The following TMEM50A variants were observed in gnomAD, a reference collection of about 807,000 sequenced individuals.
The protein encoded by TMEM50A is cervical cancer oncogene 9.
TMEM50A carries 8 observed loss-of-function variants against 23.9 expected under a neutral mutation model. That is an observed-to-expected ratio of 0.33 (90% CI 0.20 to 0.60). The LOEUF (loss-of-function observed/expected upper bound fraction) is 0.60. Ranked by LOEUF, TMEM50A falls within the 20% of genes least tolerant of loss-of-function variation. The pLI is 0.81. For synonymous variants in TMEM50A, 55 were observed against 60.4 expected, an observed-to-expected ratio of 0.91 and a Z score of 0.41; for missense variants, 178 against 192.7, an observed-to-expected ratio of 0.92 and a Z score of 0.45.
chr1:25,355,530 TTA>T (rs1203686581), intron 5 of TMEM50A, among the ~76,000 whole-genome samples: 5 of 152,132 alleles, frequency 3.3e-5, no homozygotes, highest in Admixed American at 3.3e-4. Flanking sequence ...TGGAGCAAGG[TTA>T]TGTTTTGAGA....
intron 2 of TMEM50A, among the ~76,000 whole-genome samples, chr1:25,341,452 G>A (rs1034254998): frequency 1.3e-5 from 2 of 152,100 alleles, no homozygotes; most frequent in Non-Finnish European, 2.9e-5. Context: ...TAGAGACGGG[G>A]TTTCGCCGTG....
chr1:25,356,875 T>TTCCCACAGCACAACAGCCCTGC, intron 6 of TMEM50A, 22 bp downstream of exon 6: 1 of 1,550,662 alleles, frequency 6.4e-7, no homozygotes. Flanking sequence ...TTGCATTCTT[T>TTCCCACAGCACAACAGCCCTGC]ATGTTTGTTT....
chr1:25,347,086 T>G (rs536880033), intron 3 of TMEM50A, among the ~76,000 whole-genome samples: 60 of 152,100 alleles, frequency 3.9e-4, no homozygotes, highest in Admixed American at 6.5e-4. Flanking sequence ...TATATACATC[T>G]CAACAAATTT....
chr1:25,344,997 C>G (rs1293343885), intron 3 of TMEM50A, among the ~76,000 whole-genome samples: 1 of 152,074 alleles, frequency 6.6e-6, no homozygotes, highest in Non-Finnish European at 1.5e-5. Flanking sequence ...TCCCAGAAGC[C>G]CGTATCTGTC....
rs752482050 is a variant in TMEM50A, at chr1:25,343,093, G to T, written c.206+20G>T. ...CCTAATGTAAGTGTCATCGTAATTG[G>T]CATTACTTACATAGCTTGCCACAAA... On this transcript the variant is annotated intron_variant, in intron 3 of 6. Transcript: ENST00000374358. 3 of 1,565,936 alleles carry T rather than the reference G, an allele frequency of 1.9e-6. No individual in the cohort carries two copies. The highest frequency in any genetic ancestry group is 2.6e-6 in the Non-Finnish European group (3 of 1,147,374).
chr1:25,357,868 A>C (rs1325663095), intron 6 of TMEM50A, among the ~76,000 whole-genome samples: 1 of 148,462 alleles, frequency 6.7e-6, no homozygotes, highest in Non-Finnish European at 1.5e-5. Context: ...TTGATTCCTG[A>C]TCTCGTGATC....
chr1:25,338,966 T>G (rs1645134988), intron 1 of TMEM50A: 1 of 152,188 alleles, frequency 6.6e-6, no homozygotes, highest in African/African-American at 2.4e-5. Flanking sequence ...TAACACTTAT[T>G]GAATTGCAGT....
intron 2 of TMEM50A, among the ~76,000 whole-genome samples, chr1:25,341,894 A>G: frequency 6.7e-6 from 1 of 149,254 alleles, no homozygotes; most frequent in East Asian, 2.0e-4. Context: ...TTTTTTTTGT[A>G]GAGATGAGGT....
At chr1:25,343,109 T>C in intron 3 of TMEM50A, 36 bp downstream of exon 3, 1 of 1,492,528 alleles carries the variant, frequency 6.7e-7, no homozygotes, top group Non-Finnish European at 9.2e-7. Flanking sequence ...CTTACATAGC[T>C]TGCCACAAAA....
chr1:25,350,957 C>T (rs1015116842), intron 3 of TMEM50A, among the ~76,000 whole-genome samples: 1 of 151,038 alleles, frequency 6.6e-6, no homozygotes, highest in East Asian at 2.0e-4. Context: ...GTCAGGAGTT[C>T]GAGACCATCC....
chr1:25,343,842 C>G (rs1186358511), intron 3 of TMEM50A, among the ~76,000 whole-genome samples: 1 of 152,108 alleles, frequency 6.6e-6, no homozygotes, highest in African/African-American at 2.4e-5. Context: ...GGCTTTACGG[C>G]AAGGAGACCA....
At chr1:25,356,051 A>ATCTC (rs1645330577) in intron 5 of TMEM50A, among the ~76,000 whole-genome samples, 2 of 151,918 alleles carry the variant, frequency 1.3e-5, no homozygotes, top group Non-Finnish European at 2.9e-5. Flanking sequence ...ATCCATCATA[A>ATCTC]TCTCTCACCT....
At chr1:25,346,371 A>G (rs998733950) in intron 3 of TMEM50A, among the ~76,000 whole-genome samples, 1 of 151,932 alleles carries the variant, frequency 6.6e-6, no homozygotes, top group African/African-American at 2.4e-5. Flanking sequence ...AAGAACTACA[A>G]AAGAATCAGG....
rs182723804 is a variant in TMEM50A at position 25,348,469 on chromosome 1, G to A, written c.207-3157G>A. ...TGGGAGGCCGAGGTGGAAGGATCTCGAGGTCAGGAGATCGAGACCATCCTG... is the reference window on the plus strand; with the variant it reads ...TGGGAGGCCGAGGTGGAAGGATCTCAAGGTCAGGAGATCGAGACCATCCTG... On this transcript the variant is annotated intron_variant, in intron 3 of 6. Transcript: ENST00000374358. 2.8e-4 allele frequency among the ~76,000 whole-genome samples: 42 copies of A among 152,174 alleles called. No individual in the cohort carries two copies. The East Asian group carries it at 8.1e-3, about 29-fold the overall frequency.
chr1:25,340,267 T>G (rs576949756), intron 1 of TMEM50A, among the ~76,000 whole-genome samples: 2 of 152,270 alleles, frequency 1.3e-5, no homozygotes, highest in South Asian at 2.1e-4. Flanking sequence ...AAAAAGATAC[T>G]AAATGAATCC....
intron 6 of TMEM50A, among the ~76,000 whole-genome samples, chr1:25,357,609 AGTGTGTGTGTGTGTGTGTGT>A (rs60773283): frequency 1.8e-5 from 2 of 111,462 alleles, no homozygotes; most frequent in East Asian, 2.6e-4. Context: ...TCTCTCACCC[AGTGTGTGTGTGTGTGTGTGT>A]GTGTGTGTGT....
chr1:25,353,060 TC>T, intron 5 of TMEM50A, 86 bp downstream of exon 5: 3 of 1,302,802 alleles, frequency 2.3e-6, no homozygotes, highest in Non-Finnish European at 3.2e-6. Flanking sequence ...AAAATTTTTT[TC>T]CTATAGTTGG....
In TMEM50A at chr1:25,357,938, G is replaced by A. The variant is rs533543937; in HGVS notation, c.428+1085G>A. ...AGGCATGAGCCACCACACCCAGCCTGCATCAGGAGTTCTTTTTTTTTTTTT... is the reference window on the plus strand; with the variant it reads ...AGGCATGAGCCACCACACCCAGCCTACATCAGGAGTTCTTTTTTTTTTTTT... On this transcript the variant is annotated intron_variant, in intron 6 of 6. Coordinates refer to ENST00000374358, the MANE Select transcript of TMEM50A (RefSeq NM_014313.4). 2.3e-3 allele frequency among the ~76,000 whole-genome samples: 327 copies of A among 141,186 alleles called. 3 individuals are homozygous for A. Among genetic ancestry groups the A allele is most frequent in the Non-Finnish European group, 1.1e-3 (70 of 65,558 alleles). The allele number at this position is 141,186 out of a possible 152,430, so 92.6% of individuals were successfully genotyped here. A position where few individuals can be genotyped will look rare whatever the true frequency, so the allele number is the denominator to read the frequency against.
chr1:25,358,530 G>A (rs1645360524), intron 6 of TMEM50A, among the ~76,000 whole-genome samples: 1 of 152,140 alleles, frequency 6.6e-6, no homozygotes, highest in Non-Finnish European at 1.5e-5. Context: ...TTCAGAAAGA[G>A]CCACCAGTTG....
Sources: gnomAD v4.1 joint callset for allele counts (sites outside exome capture counted in the v4.1 genomes callset) on GRCh38, gnomAD v4.1.1 for gene constraint, MANE v1.5 for transcripts, NCBI Gene and HGNC (gene_info 2026-07-23, HGNC 2026-07-21) for gene names.